The following VWA8 variants were observed in gnomAD, a reference collection of about 807,000 sequenced individuals.
VWA8 encodes the protein von Willebrand factor A domain-containing protein 8.
In VWA8, 221 loss-of-function variants were observed where a neutral mutation model predicts 241.5. The observed-to-expected ratio is 0.91, with a 90% CI of 0.82 to 1.02. VWA8 has a LOEUF of 1.02. Among genes scored for constraint, VWA8 ranks in the 50% least tolerant of loss-of-function variants. The probability of loss-of-function intolerance (pLI) is 0.00; values close to 1 mark genes in which losing one functional copy is unlikely to be tolerated. For synonymous variants in VWA8, 852 were observed against 827.1 expected (o/e 1.03, Z -0.52); for missense variants, 2,322 against 2,328.7 (o/e 1.00, Z 0.06).
At chr13:41,703,681 C>G (rs976893487) in intron 26 of VWA8, among the ~76,000 whole-genome samples, 3 of 152,088 alleles carry the variant, frequency 2.0e-5, no homozygotes, top group African/African-American at 7.2e-5. Context: ...TACATACATA[C>G]TCCTTTGAAT....
chr13:41,880,736 A>T (rs1874130606), intron 9 of VWA8, among the ~76,000 whole-genome samples: 1 of 152,226 alleles, frequency 6.6e-6, no homozygotes, highest in Admixed American at 6.5e-5. Context: ...ATGAACTCTC[A>T]GCAAAAATTC....
At chr13:41,952,362 T>C (rs931222541) in intron 1 of VWA8, among the ~76,000 whole-genome samples, 1 of 152,206 alleles carries the variant, frequency 6.6e-6, no homozygotes, top group Non-Finnish European at 1.5e-5. Flanking sequence ...CTCGCCCTAT[T>C]TTCCTTAATG....
intron 21 of VWA8, among the ~76,000 whole-genome samples, chr13:41,746,897 T>G (rs2045611371): frequency 6.6e-6 from 1 of 152,186 alleles, no homozygotes; most frequent in Admixed American, 6.5e-5. Flanking sequence ...CATAGTCCTA[T>G]CATATGGATA....
chr13:41,806,426 G>A (rs532122204), intron 17 of VWA8, among the ~76,000 whole-genome samples: 20 of 152,282 alleles, frequency 1.3e-4, no homozygotes, highest in African/African-American at 4.8e-4. Context: ...AGGATAGGCT[G>A]GGCGCAGTGG....
intron 21 of VWA8, among the ~76,000 whole-genome samples, chr13:41,744,988 C>A (rs2045593963): frequency 6.6e-6 from 1 of 152,050 alleles, no homozygotes; most frequent in African/African-American, 2.4e-5. Flanking sequence ...CAGGTACCCA[C>A]CACCACGACC....
At chr13:41,680,052 C>CA (rs1307783381) in intron 35 of VWA8, among the ~76,000 whole-genome samples, 62 of 152,106 alleles carry the variant, frequency 4.1e-4, no homozygotes, top group South Asian at 1.9e-3. Context: ...CCCATCCCCC[C>CA]AAACATTCAT....
intron 2 of VWA8, among the ~76,000 whole-genome samples, chr13:41,917,109 T>G (rs1209585688): frequency 1.3e-5 from 2 of 152,242 alleles, no homozygotes; most frequent in Non-Finnish European, 2.9e-5. Flanking sequence ...CCCAGCCATA[T>G]TCAAAGGCTT....
At chr13:41,629,634 CATA>C (rs71757310) in intron 37 of VWA8, among the ~76,000 whole-genome samples, 5,027 of 152,212 alleles carry the variant, frequency 0.033, 279 homozygotes, top group African/African-American at 0.11. Flanking sequence ...ATGAAAGTCA[CATA>C]ATATTTCCCT....
chr13:41,956,731 T>C (rs1037097895), intron 1 of VWA8, among the ~76,000 whole-genome samples: 10 of 152,234 alleles, frequency 6.6e-5, no homozygotes, highest in Non-Finnish European at 1.3e-4. Flanking sequence ...TTCATGTAGA[T>C]GGATGTTTAT....
intron 10 of VWA8, among the ~76,000 whole-genome samples, chr13:41,866,289 C>A (rs971267975): frequency 6.6e-6 from 1 of 151,512 alleles, no homozygotes; most frequent in Non-Finnish European, 1.5e-5. Flanking sequence ...GCGGAGGTTG[C>A]AGTGAGCCAA....
chr13:41,734,942 G>T (rs2137869453), intron 21 of VWA8, among the ~76,000 whole-genome samples: 1 of 152,228 alleles, frequency 6.6e-6, no homozygotes, highest in South Asian at 2.1e-4. Context: ...TATAACACAT[G>T]GATTGTCATA....
chr13:41,623,434 T>G lies in VWA8; in HGVS notation c.4612-8350A>C, dbSNP rs71427487. Among the ~76,000 whole-genome samples, 992 of 152,316 alleles carry G rather than the reference T, an allele frequency of 6.5e-3. 6 individuals carry two copies. The highest frequency in any genetic ancestry group is 0.016 in the South Asian group (75 of 4,826). On this transcript the variant is annotated intron_variant, in intron 37 of 44. Transcript: ENST00000379310. ...ATTGTTATTTGGGTTTTCTGCTACT[T>G]GGAGTCAACTGCATGCAAACTAACT...
chr13:41,658,162 C>T lies in VWA8; in HGVS notation c.4611+12784G>A, dbSNP rs190789967. On this transcript the variant is annotated intron_variant, in intron 37 of 44. Transcript: ENST00000379310. ...ATGAAAAAAGGGTTCAGAGAACAAA[C>T]TTTCAGAAACGTTTAGCTGGGCACA... is the stretch of plus-strand genomic sequence containing the variant. 3.3e-5 allele frequency among the ~76,000 whole-genome samples: 5 copies of T among 152,288 alleles called. No homozygotes were observed. In the East Asian group the frequency reaches 9.6e-4, roughly 29 times the overall value.
At chr13:41,935,246 A>T (rs1877295526) in intron 2 of VWA8, among the ~76,000 whole-genome samples, 1 of 152,126 alleles carries the variant, frequency 6.6e-6, no homozygotes, top group African/African-American at 2.4e-5. Context: ...TAAAGTGCTT[A>T]TGTATTAGGC....
chr13:41,889,970 A>C (rs1874748709), intron 5 of VWA8, among the ~76,000 whole-genome samples: 2 of 152,254 alleles, frequency 1.3e-5, no homozygotes, highest in African/African-American at 2.4e-5. Context: ...AAAAGCTTTC[A>C]TTTTGATAAA....
chr13:41,752,534 C>T lies in VWA8; in HGVS notation c.2426+8594G>A, dbSNP rs1028625907. On this transcript the variant is annotated intron_variant, in intron 21 of 44. Coordinates refer to ENST00000379310, the MANE Select transcript of VWA8 (RefSeq NM_015058.2). Reference sequence around the variant, plus strand: ...CCAAACAAAATGAATAGATATTAGGCGAATGAATTAACATACAGTGAATAA... The same window carrying T: ...CCAAACAAAATGAATAGATATTAGGTGAATGAATTAACATACAGTGAATAA... Among the ~76,000 whole-genome samples, 4 of 152,038 alleles carry T rather than the reference C, an allele frequency of 2.6e-5. No homozygotes were observed. The South Asian group carries it at 6.2e-4, about 24-fold the overall frequency.
chr13:41,763,975 G>T (rs1224527265), intron 20 of VWA8, among the ~76,000 whole-genome samples: 1 of 152,104 alleles, frequency 6.6e-6, no homozygotes, highest in Admixed American at 6.6e-5. Flanking sequence ...TGGCTGTCTT[G>T]TTCCATATGC....
At chr13:41,927,251 T>G in intron 2 of VWA8, 2 of 495,686 alleles carry the variant, frequency 4.0e-6, no homozygotes, top group Non-Finnish European at 8.2e-6. Flanking sequence ...TCCAACAACA[T>G]CAAGGAAGTA....
chr13:41,770,124 AG>A (rs1253082484), intron 20 of VWA8, among the ~76,000 whole-genome samples: 4 of 152,156 alleles, frequency 2.6e-5, no homozygotes, highest in Non-Finnish European at 5.9e-5. Flanking sequence ...AAAATGGGGA[AG>A]GGGATATTGC....
Sources: gnomAD v4.1 joint callset for allele counts (sites outside exome capture counted in the v4.1 genomes callset) on GRCh38, gnomAD v4.1.1 for gene constraint, MANE v1.5 for transcripts, NCBI Gene and HGNC (gene_info 2026-07-23, HGNC 2026-07-21) for gene names.